The following DNAH9 variants were observed in gnomAD, a reference collection of about 807,000 sequenced individuals.
The protein encoded by DNAH9 is dynein axonemal heavy chain 9.
DNAH9 carries 345 observed loss-of-function variants against 471.6 expected under a neutral mutation model. The ratio of observed to expected loss-of-function variants is 0.73; its 90% CI spans 0.67 to 0.80. The LOEUF is 0.80. DNAH9 is among the 30% of genes least tolerant of loss of function. The pLI, the probability that DNAH9 is intolerant of heterozygous loss-of-function variation, is 0.00. For missense variants in DNAH9, 5,407 were observed against 5,609.2 expected, an observed-to-expected ratio of 0.96 and a Z score of 1.15; for synonymous variants, 2,093 against 2,123.6, an observed-to-expected ratio of 0.99 and a Z score of 0.40.
chr17:11,701,116 T>C lies in DNAH9; in HGVS notation c.5026-6T>C, dbSNP rs746903776. 1 of 1,614,122 alleles carries C rather than the reference T, an allele frequency of 6.2e-7. No individual in the cohort carries two copies. Among genetic ancestry groups the C allele is most frequent in the East Asian group, 2.2e-5 (1 of 44,884 alleles). On this transcript the variant is annotated splice_polypyrimidine_tract_variant and splice_region_variant and intron_variant, in intron 23 of 68. Coordinates refer to ENST00000262442, the MANE Select transcript of DNAH9 (RefSeq NM_001372.4). ...ACCCAGTGTCTAACCTGAGTTGTTCTTTCAGGTAGAAATATGGCTGAACCA... is the reference window on the plus strand; with the variant it reads ...ACCCAGTGTCTAACCTGAGTTGTTCCTTCAGGTAGAAATATGGCTGAACCA...
chr17:11,947,744 G>A (rs1296119083), intron 67 of DNAH9, among the ~76,000 whole-genome samples: 1 of 148,038 alleles, frequency 6.8e-6, no homozygotes, highest in Non-Finnish European at 1.5e-5. Context: ...GCCATGGCCA[G>A]CCCAGAATCT....
At chr17:11,784,565 C>G (rs766609540) in intron 41 of DNAH9, 26 bp downstream of exon 41, 6 of 1,613,750 alleles carry the variant, frequency 3.7e-6, no homozygotes, top group Non-Finnish European at 3.4e-6. Context: ...CCGAGACACC[C>G]TAGGGGCTTA....
chr17:11,731,545 C>G (rs889493693), intron 28 of DNAH9, among the ~76,000 whole-genome samples: 1 of 110,442 alleles, frequency 9.1e-6, no homozygotes, highest in Non-Finnish European at 1.8e-5. Context: ...GCTATCCCTC[C>G]CCCCTCCCCC....
intron 50 of DNAH9, among the ~76,000 whole-genome samples, chr17:11,859,411 CAAAAAA>C (rs34446360): frequency 5.3e-5 from 7 of 131,464 alleles, no homozygotes; most frequent in Non-Finnish European, 4.9e-5. Context: ...GACTCCGTCT[CAAAAAA>C]AAAAAAAAAA....
intron 58 of DNAH9, among the ~76,000 whole-genome samples, chr17:11,893,821 A>C (rs1597797651): frequency 6.6e-6 from 1 of 152,232 alleles, no homozygotes; most frequent in East Asian, 1.9e-4. Context: ...TGGCCCATGT[A>C]CATCTATGTA....
intron 35 of DNAH9, among the ~76,000 whole-genome samples, chr17:11,762,770 G>GTTTGTTTGTTTTTTTTTT (rs1193246497): frequency 1.1e-5 from 1 of 90,742 alleles, no homozygotes. Flanking sequence ...TTTTTTTTTT[G>GTTTGTTTGTTTTTTTTTT]TTTTTTTTTT....
intron 3 of DNAH9, among the ~76,000 whole-genome samples, chr17:11,611,091 C>T (rs1456712640): frequency 1.3e-5 from 2 of 152,132 alleles, no homozygotes; most frequent in Non-Finnish European, 2.9e-5. Flanking sequence ...CCCTCCTCCT[C>T]CCCATTTCCT....
Position 11,763,673 on chromosome 17 carries a change from C to T in DNAH9, c.7170+59C>T, listed in dbSNP as rs979205957. On this transcript the variant is annotated intron_variant, in intron 36 of 68. Coordinates refer to ENST00000262442, the MANE Select transcript of DNAH9 (RefSeq NM_001372.4). ...GAAGTCTGTAGCAGCAAAAACTGAT[C>T]CTTTAGCAAAGATTTGGAAGACAGG... The T allele has an allele frequency of 1.7e-5, 26 of 1,507,504 alleles. No individual in the cohort carries two copies. The Middle Eastern group carries it at 6.9e-4, about 40-fold the overall frequency. The allele number at this position is 1,507,504 out of a possible 1,614,324, so 93.4% of individuals were successfully genotyped here. A position where few individuals can be genotyped will look rare whatever the true frequency, so the allele number is the denominator to read the frequency against.
At chr17:11,925,693 A>C (rs943317751) in intron 62 of DNAH9, among the ~76,000 whole-genome samples, 1 of 152,162 alleles carries the variant, frequency 6.6e-6, no homozygotes, top group Non-Finnish European at 1.5e-5. Context: ...TTGGCCATGC[A>C]GGGCATCAAA....
At chr17:11,903,236 G>A (rs988717439) in intron 60 of DNAH9, among the ~76,000 whole-genome samples, 1 of 152,198 alleles carries the variant, frequency 6.6e-6, no homozygotes, top group African/African-American at 2.4e-5. Flanking sequence ...CTACTCTGGA[G>A]GCTGAGGCAG....
intron 43 of DNAH9, among the ~76,000 whole-genome samples, chr17:11,805,082 A>G (rs2150921912): frequency 6.6e-6 from 1 of 152,084 alleles, no homozygotes; most frequent in East Asian, 1.9e-4. Flanking sequence ...TGTAAGATTC[A>G]GTGTCAACAA....
At chr17:11,832,315 C>T (rs1260746237) in intron 48 of DNAH9, among the ~76,000 whole-genome samples, 2 of 151,622 alleles carry the variant, frequency 1.3e-5, no homozygotes, top group Admixed American at 1.3e-4. Context: ...GCCATATCTG[C>T]AATCAACAAA....
At chr17:11,674,056 T>C (rs1249211583) in intron 17 of DNAH9, among the ~76,000 whole-genome samples, 1 of 152,240 alleles carries the variant, frequency 6.6e-6, no homozygotes, top group African/African-American at 2.4e-5. Context: ...TAGTTCATTT[T>C]CCCTGTCGTA....
At chr17:11,616,425 A>ACCAG (rs1029304559) in intron 4 of DNAH9, among the ~76,000 whole-genome samples, 2 of 152,174 alleles carry the variant, frequency 1.3e-5, no homozygotes, top group Non-Finnish European at 2.9e-5. Flanking sequence ...CCAGGACAGA[A>ACCAG]CCAGCCTTTG....
intron 1 of DNAH9, among the ~76,000 whole-genome samples, chr17:11,604,713 G>A (rs1429516224): frequency 2.0e-5 from 3 of 150,918 alleles, no homozygotes; most frequent in African/African-American, 7.3e-5. Context: ...TTTCTCTTGC[G>A]ACTCCTAAAG....
intron 10 of DNAH9, among the ~76,000 whole-genome samples, chr17:11,641,125 A>G (rs529809815): frequency 6.6e-6 from 1 of 152,214 alleles, no homozygotes; most frequent in East Asian, 1.9e-4. Context: ...CATTGGACTC[A>G]CAGGCTTTTT....
At chr17:11,633,199 G>A (rs560873040) in intron 8 of DNAH9, among the ~76,000 whole-genome samples, 1 of 152,306 alleles carries the variant, frequency 6.6e-6, no homozygotes, top group South Asian at 2.1e-4. Context: ...TGATGCATAG[G>A]TAAATGGCTG....
Position 11,929,894 on chromosome 17 carries a change from G to A in DNAH9, c.11906G>A (p.Ser3969Asn), listed in dbSNP as rs768979242. 2.5e-6 allele frequency: 4 copies of A among 1,613,748 alleles called. No homozygotes were observed. The highest frequency in any genetic ancestry group is 2.7e-5 in the African/African-American group (2 of 74,878). The change falls in exon 63 of 69, where the codon AGC becomes AAC. Residue 3969 changes from serine (S) to asparagine (N), a missense_variant. Ser to Asn is a conservative substitution (Grantham distance 46, BLOSUM62 1). Around this residue, in one of 3 missense-constraint regions of DNAH9, gnomAD observed 4,636 missense variants for 4,900.3 expected, o/e 0.95. Transcript: ENST00000262442. ...QNIHLVAKWL[S>N]TLEKKLEEHS... ...ATTCACCTGGTGGCCAAGTGGCTCA[G>A]CACCCTGGAGAAGAAGCTGGAGGAG...
intron 26 of DNAH9, among the ~76,000 whole-genome samples, chr17:11,710,302 C>A (rs902353724): frequency 3.9e-5 from 6 of 152,016 alleles, no homozygotes; most frequent in Admixed American, 3.9e-4. Context: ...TACATCTAAG[C>A]TTTCACTATT....
Sources: gnomAD v4.1 joint callset for allele counts (sites outside exome capture counted in the v4.1 genomes callset) on GRCh38, gnomAD v4.1.1 for gene constraint, gnomAD v4.1.1 regional missense constraint, MANE v1.5 for transcripts, NCBI Gene and HGNC (gene_info 2026-07-23, HGNC 2026-07-21) for gene names.